Variants in FLACC1 observed in about 807,000 individuals in gnomAD.
The protein encoded by FLACC1 is flagellum-associated coiled-coil domain-containing protein 1.
FLACC1 carries 66 observed loss-of-function variants against 62.8 expected under a neutral mutation model. The observed-to-expected ratio is 1.05, with a 90% confidence interval of 0.86 to 1.29. FLACC1 has a LOEUF of 1.29. FLACC1 is among the 50% of genes most tolerant of loss of function. The pLI is 0.00. For missense variants in FLACC1, 452 were observed against 489.1 expected, an observed-to-expected ratio of 0.92 and a Z score of 0.71; for synonymous variants, 156 against 161.0, an observed-to-expected ratio of 0.97 and a Z score of 0.24.
chr2:201,309,333 G>A, intron 9 of FLACC1, 83 bp from the exon 10 acceptor site: 1 of 1,028,100 alleles, frequency 9.7e-7, no homozygotes, highest in Non-Finnish European at 1.5e-6. Context: ...AACTCAGGGA[G>A]GACTCCTCTT....
chr2:201,332,111 C>CT (rs1302111104), intron 7 of FLACC1, among the ~76,000 whole-genome samples: 2 of 151,732 alleles, frequency 1.3e-5, no homozygotes, highest in African/African-American at 2.4e-5. Flanking sequence ...ACCAGGATTT[C>CT]TTTTTTTAAT....
intron 1 of FLACC1, 144 bp downstream of exon 1, chr2:201,356,838 C>T (rs971418207): frequency 4.6e-5 from 7 of 152,044 alleles, no homozygotes; most frequent in African/African-American, 1.2e-4. Context: ...TTTTCCCTTT[C>T]CTGCACTTCT....
At chr2:201,340,279 A>G (rs1950780440) in intron 7 of FLACC1, among the ~76,000 whole-genome samples, 1 of 151,774 alleles carries the variant, frequency 6.6e-6, no homozygotes, top group African/African-American at 2.4e-5. Flanking sequence ...CCATTTTGTT[A>G]ATTTTTGTTT....
intron 1 of FLACC1, among the ~76,000 whole-genome samples, chr2:201,353,266 A>G (rs1951061936): frequency 6.6e-6 from 1 of 152,246 alleles, no homozygotes; most frequent in Admixed American, 6.5e-5. Flanking sequence ...GTAAATACTT[A>G]ATAGTGACTT....
intron 9 of FLACC1, among the ~76,000 whole-genome samples, chr2:201,313,674 C>A (rs10931939): frequency 0.33 from 50,865 of 151,912 alleles, 10,093 homozygotes; most frequent in East Asian, 0.48. Context: ...AGTTCTAGGG[C>A]CCCACCCACC....
In FLACC1 at chr2:201,346,574, T is replaced by C. The variant is rs555173620; in HGVS notation, c.336A>G (p.Glu112=). Residue 112 remains glutamate, a synonymous_variant, in exon 5 of 15, where the codon GAA becomes GAG. Transcript: ENST00000392257. This position sits in a 1 kb window ranked among gnomAD's most constrained non-coding sequence, Gnocchi z 4.0. ...ATCTGCCTTTGTCCGGGATCTCCGA[T>C]TCCCACCGCTTTTTCCTATCAAACA... The part of the protein sequence containing the change: ...DEMFDRKKRW[E]SEIPDKGRFS... 5.0e-6 allele frequency: 8 copies of C among 1,614,176 alleles called. No homozygotes were observed. The Admixed American group carries it at 6.7e-5, about 13-fold the overall frequency.
At chr2:201,292,367 A>G (rs13012609) in intron 12 of FLACC1, among the ~76,000 whole-genome samples, 6,463 of 152,334 alleles carry the variant, frequency 0.042, 188 homozygotes, top group Non-Finnish European at 0.062. Context: ...GTGAGGGCCA[A>G]TATTCAACAT....
chr2:201,307,652 GT>G (rs750263080), intron 10 of FLACC1, 30 bp from the exon 11 acceptor site: 18 of 1,483,702 alleles, frequency 1.2e-5, no homozygotes, highest in Non-Finnish European at 1.7e-5. Context: ...GCACATATAT[GT>G]GTAAAGATGG....
chr2:201,342,324 C>T (rs369773104), intron 7 of FLACC1, 46 bp downstream of exon 7: 57 of 1,602,274 alleles, frequency 3.6e-5, no homozygotes, highest in African/African-American at 5.4e-5. Flanking sequence ...GATGCGGGAC[C>T]CTTAGAGCCA....
Position 201,338,888 on chromosome 2 carries a change from T to C in FLACC1, c.524+3482A>G, listed in dbSNP as rs909693399. Among the ~76,000 whole-genome samples, 7 of 152,304 alleles carry C rather than the reference T, an allele frequency of 4.6e-5. No homozygotes were observed. The East Asian group carries it at 7.7e-4, about 17-fold the overall frequency. ...TGGTTTTCTTTTTCCTGTTGTTGTA[T>C]TGTCATCTGACTTTGGTATTAAGGT... is the stretch of plus-strand genomic sequence containing the variant. On this transcript the variant is annotated intron_variant, in intron 7 of 14. Transcript: ENST00000392257.
chr2:201,343,814 G>A (rs749652271), intron 6 of FLACC1, among the ~76,000 whole-genome samples: 3 of 152,202 alleles, frequency 2.0e-5, no homozygotes, highest in African/African-American at 7.2e-5. Flanking sequence ...CGCTGGTGTC[G>A]TTAGTGAGAG....
intron 9 of FLACC1, among the ~76,000 whole-genome samples, chr2:201,315,097 T>C (rs1950284876): frequency 6.6e-6 from 1 of 151,566 alleles, no homozygotes. Context: ...AAAGCATAAA[T>C]CTCACAGGAC....
At chr2:201,311,558 T>C (rs1038027127) in intron 9 of FLACC1, among the ~76,000 whole-genome samples, 1 of 151,422 alleles carries the variant, frequency 6.6e-6, no homozygotes, top group Non-Finnish European at 1.5e-5. Context: ...ACAGAAAAAA[T>C]AAAAAATTAG....
At chr2:201,324,049 A>G (rs888403251) in intron 9 of FLACC1, among the ~76,000 whole-genome samples, 1 of 152,178 alleles carries the variant, frequency 6.6e-6, no homozygotes, top group Non-Finnish European at 1.5e-5. Flanking sequence ...CTCCACTTAA[A>G]AAATACAGAA....
At chr2:201,311,424 GA>G (rs2125566782) in intron 9 of FLACC1, among the ~76,000 whole-genome samples, 1 of 152,174 alleles carries the variant, frequency 6.6e-6, no homozygotes, top group African/African-American at 2.4e-5. Context: ...AGCTACACAT[GA>G]AAAAGTTAAT....
chr2:201,339,249 G>C (rs184928359), intron 7 of FLACC1, among the ~76,000 whole-genome samples: 1 of 152,048 alleles, frequency 6.6e-6, no homozygotes, highest in African/African-American at 2.4e-5. Flanking sequence ...GTATTTCTGT[G>C]GCAACAGTTG....
At chr2:201,293,717 A>C (rs1437374133) in intron 12 of FLACC1, among the ~76,000 whole-genome samples, 1 of 152,186 alleles carries the variant, frequency 6.6e-6, no homozygotes, top group Non-Finnish European at 1.5e-5. Flanking sequence ...CCTTCAAAAA[A>C]TCAATGAATC....
At chr2:201,356,955 A>G (rs943117905) in intron 1 of FLACC1, 27 bp downstream of exon 1, 7 of 152,362 alleles carry the variant, frequency 4.6e-5, no homozygotes, top group African/African-American at 1.7e-4. Context: ...AAAAAATAAT[A>G]TAAAACATCT....
At chr2:201,310,917 C>T (rs1487279145) in intron 9 of FLACC1, among the ~76,000 whole-genome samples, 2 of 151,994 alleles carry the variant, frequency 1.3e-5, no homozygotes, top group South Asian at 2.1e-4. Context: ...AAGAAAAAAA[C>T]GACGATCCAA....
Sources: gnomAD v4.1 joint callset for allele counts (sites outside exome capture counted in the v4.1 genomes callset) on GRCh38, gnomAD v4.1.1 for gene constraint, Gnocchi (gnomAD v3.1) non-coding constraint, MANE v1.5 for transcripts, NCBI Gene and HGNC (gene_info 2026-07-23, HGNC 2026-07-21) for gene names.